The following DOCK8 variants were observed in gnomAD, a reference collection of about 807,000 sequenced individuals.
DOCK8 encodes the protein dedicator of cytokinesis 8.
DOCK8 carries 141 observed loss-of-function variants against 245.6 expected under a neutral mutation model. That is an observed-to-expected ratio of 0.57 (90% CI 0.50 to 0.66). The LOEUF (loss-of-function observed/expected upper bound fraction) is 0.66, where lower values mean the gene tolerates loss of function less well. Ranked by LOEUF, DOCK8 falls within the 30% of genes least tolerant of loss-of-function variation. The probability of loss-of-function intolerance (pLI) is 0.00; values close to 1 mark genes in which losing one functional copy is unlikely to be tolerated. For synonymous variants in DOCK8, 1,168 were observed against 970.2 expected (o/e 1.20, Z -3.79); for missense variants, 2,965 against 2,603.4 (o/e 1.14, Z -3.02).
At chr9:452,319 C>A (rs1352098922) in intron 46 of DOCK8, among the ~76,000 whole-genome samples, 1 of 152,158 alleles carries the variant, frequency 6.6e-6, no homozygotes, top group African/African-American at 2.4e-5. Context: ...CTGATGCACA[C>A]TGAAGTTTGA....
At position 368,088 on chromosome 9, in the gene DOCK8, A is replaced by G. The variant is rs750484278; in HGVS notation, c.1750A>G (p.Ile584Val). Residue 584 changes from isoleucine to valine, a missense_variant, in exon 15 of 48, where the codon ATA (isoleucine) becomes GTA (valine). Coordinates refer to ENST00000432829, the MANE Select transcript of DOCK8 (RefSeq NM_203447.4). ...NKLASARNITIKIQFMCGEDA... is the reference protein window; with the variant it reads ...NKLASARNITVKIQFMCGEDA... ...ACTAGCATCAGCCCGGAACATTACA[A>G]TAAAGATCCAGTTTATGTGTGGAGA... 28 of 1,614,212 alleles carry G rather than the reference A, an allele frequency of 1.7e-5. No individual in the cohort carries two copies. In the East Asian group the frequency reaches 4.2e-4, roughly 24 times the overall value.
intron 20 of DOCK8, 111 bp downstream of exon 20, chr9:377,322 C>G (rs1221720716): frequency 1.8e-6 from 2 of 1,107,176 alleles, no homozygotes; most frequent in Non-Finnish European, 2.6e-6. Context: ...TTCCTTTCCA[C>G]TGATGATGTG....
chr9:388,305 C>A (rs559097561), intron 23 of DOCK8, among the ~76,000 whole-genome samples: 1 of 152,138 alleles, frequency 6.6e-6, no homozygotes, highest in African/African-American at 2.4e-5. Flanking sequence ...AATGTGTTAA[C>A]GCATATTAAA....
chr9:334,183 G>A, intron 10 of DOCK8, 42 bp from the exon 11 acceptor site: 1 of 1,612,882 alleles, frequency 6.2e-7, no homozygotes, highest in Non-Finnish European at 8.5e-7. Flanking sequence ...TTGACTTGGT[G>A]CTGATGCTTG....
rs1471043289 is a variant in DOCK8, at chr9:452,206, T to C, written c.6068+89T>C. 4.9e-5 allele frequency: 41 copies of C among 844,440 alleles called. No homozygotes were observed. The South Asian group carries it at 4.9e-4, about 10-fold the overall frequency. 52.3% of individuals were successfully genotyped at this position (844,440 alleles called of 1,614,324 possible). A position where few individuals can be genotyped will look rare whatever the true frequency, so the allele number is the denominator to read the frequency against. On this transcript the variant is annotated intron_variant, in intron 46 of 47. Transcript: ENST00000432829. ...AGCAGCTTCAGCATCACCTGAGAAC[T>C]TGCTAGAAAGACAAAGTCTCAGGCA...
Position 464,723 on chromosome 9 carries a change from A to G in DOCK8, c.*504A>G, listed in dbSNP as rs1234454729. 1.2e-5 allele frequency: 2 copies of G among 166,426 alleles called. No homozygotes were observed. Among genetic ancestry groups the G allele is most frequent in the African/African-American group, 2.4e-5 (1 of 41,662 alleles). The allele number at this position is 166,426 out of a possible 1,614,324, so 10.3% of individuals were successfully genotyped here. On this transcript the variant is annotated 3_prime_UTR_variant, in exon 48 of 48. Transcript: ENST00000432829. ...ATCTACAAAGGGAAGCCTTACTACA[A>G]TTCCAAAAATCATCATGGTTGGAAA... is the stretch of plus-strand genomic sequence containing the variant.
At chr9:315,754 C>G (rs2050316556) in intron 6 of DOCK8, among the ~76,000 whole-genome samples, 1 of 152,132 alleles carries the variant, frequency 6.6e-6, no homozygotes, top group South Asian at 2.1e-4. Flanking sequence ...CATTGCATTG[C>G]TCTCTCAACT....
intron 33 of DOCK8, among the ~76,000 whole-genome samples, chr9:422,608 A>C (rs919932829): frequency 6.6e-6 from 1 of 152,258 alleles, no homozygotes; most frequent in African/African-American, 2.4e-5. Flanking sequence ...TAAAAGTTGG[A>C]TTGCCATCAA....
chr9:236,615 A>C (rs1369913208), intron 1 of DOCK8, among the ~76,000 whole-genome samples: 1 of 152,202 alleles, frequency 6.6e-6, no homozygotes, highest in Non-Finnish European at 1.5e-5. Flanking sequence ...GCCTGGCTTA[A>C]AGAAGAGGAA....
At chr9:356,180 C>G (rs1323150326) in intron 14 of DOCK8, among the ~76,000 whole-genome samples, 6 of 152,164 alleles carry the variant, frequency 3.9e-5, no homozygotes, top group Admixed American at 3.3e-4. Context: ...AGGAAAGATA[C>G]ATTTATCCAG....
chr9:370,959 C>T (rs2053260756), intron 16 of DOCK8, among the ~76,000 whole-genome samples: 2 of 152,172 alleles, frequency 1.3e-5, no homozygotes, highest in African/African-American at 2.4e-5. Context: ...TAATGTACTT[C>T]GTAATTAATG....
chr9:406,843 C>G, intron 27 of DOCK8, 87 bp from the exon 28 acceptor site: 4 of 1,579,110 alleles, frequency 2.5e-6, no homozygotes, highest in South Asian at 2.2e-5. Context: ...CGAAGCCTGG[C>G]TGGGGCGAGG....
At chr9:233,067 A>T (rs943070699) in intron 1 of DOCK8, among the ~76,000 whole-genome samples, 8 of 152,258 alleles carry the variant, frequency 5.3e-5, no homozygotes, top group Non-Finnish European at 1.0e-4. Flanking sequence ...CACTGCTTTG[A>T]ATGTGTCCCA....
In DOCK8 at chr9:422,044, C is replaced by T; in HGVS notation, c.4154-4C>T. 1 of 1,613,386 alleles carries T rather than the reference C, an allele frequency of 6.2e-7. No homozygotes were observed. The highest frequency in any genetic ancestry group is 1.1e-5 in the South Asian group (1 of 91,072). On this transcript the variant is annotated splice_region_variant and splice_polypyrimidine_tract_variant and intron_variant, in intron 32 of 47. Transcript: ENST00000432829. ...ATTCCTATCATGCATTTCTTAACTC[C>T]TAGGGAACGACCGATTTCCAGGCCT...
intron 14 of DOCK8, among the ~76,000 whole-genome samples, chr9:358,133 G>A (rs1475804423): frequency 1.3e-5 from 2 of 152,074 alleles, no homozygotes; most frequent in South Asian, 2.1e-4. Flanking sequence ...CACCCAGGCT[G>A]GAGTGCAGTG....
chr9:394,994 G>A (rs1448416062), intron 24 of DOCK8, among the ~76,000 whole-genome samples: 1 of 152,222 alleles, frequency 6.6e-6, no homozygotes, highest in South Asian at 2.1e-4. Context: ...AAGCCTTAGT[G>A]CTGGGATGGT....
Position 215,008 on chromosome 9 carries a change from C to T in DOCK8, c.32C>T (p.Ala11Val). 12 of 1,593,294 alleles carry T rather than the reference C, an allele frequency of 7.5e-6. No individual in the cohort carries two copies. Among genetic ancestry groups the T allele is most frequent in the Non-Finnish European group, 1.0e-5 (12 of 1,174,842 alleles). Residue 11 changes from alanine to valine, a missense_variant, in exon 1 of 48, where the codon GCG becomes GTG. Physicochemically the swap from Ala to Val is moderately conservative, Grantham distance 64. Coordinates refer to ENST00000432829, the MANE Select transcript of DOCK8 (RefSeq NM_203447.4). Reference protein sequence around the residue: MATLPSAERRAFALKINRYSS... With the variant: MATLPSAERRVFALKINRYSS... The stretch of plus-strand genomic sequence containing the variant: ...ACTCTGCCGAGCGCAGAGCGCCGCG[C>T]GTTCGCGCTCAAGATCAACAGGTAA...
intron 1 of DOCK8, among the ~76,000 whole-genome samples, chr9:232,237 G>A (rs1357434775): frequency 6.6e-6 from 1 of 152,134 alleles, no homozygotes; most frequent in Non-Finnish European, 1.5e-5. Flanking sequence ...TGCATCCCAG[G>A]GATGAAGCCC....
chr9:299,543 G>A (rs974231010), intron 4 of DOCK8, among the ~76,000 whole-genome samples: 3 of 152,130 alleles, frequency 2.0e-5, no homozygotes, highest in Admixed American at 1.3e-4. Context: ...GATTACAGGT[G>A]TGAGCCACTG....
Sources: gnomAD v4.1 joint callset for allele counts (sites outside exome capture counted in the v4.1 genomes callset) on GRCh38, gnomAD v4.1.1 for gene constraint, MANE v1.5 for transcripts, NCBI Gene and HGNC (gene_info 2026-07-23, HGNC 2026-07-21) for gene names.